Variants in SLC2A9 observed in about 807,000 individuals in gnomAD.
The protein encoded by SLC2A9 is solute carrier family 2 member 9, also known as solute carrier family 2, facilitated glucose transporter member 9.
A neutral mutation model predicts 50.6 loss-of-function variants in SLC2A9; 39 were observed. That is an observed-to-expected ratio of 0.77 (90% CI 0.60 to 1.01). The LOEUF (loss-of-function observed/expected upper bound fraction) is 1.01, where lower values mean the gene tolerates loss of function less well. Ranked by LOEUF, SLC2A9 falls within the 50% of genes least tolerant of loss-of-function variation. The pLI is 0.00. For synonymous variants in SLC2A9, 324 were observed against 276.9 expected, an observed-to-expected ratio of 1.17 and a Z score of -1.69; for missense variants, 686 against 677.6, an observed-to-expected ratio of 1.01 and a Z score of -0.14.
intron 5 of SLC2A9, among the ~76,000 whole-genome samples, chr4:9,948,177 G>A (rs1304027681): frequency 3.3e-5 from 5 of 151,612 alleles, no homozygotes; most frequent in East Asian, 1.9e-4. Context: ...CCAGCTTCTC[G>A]GGATACTTAT....
chr4:9,798,442 T>A (rs1007361302), downstream of SLC2A9, among the ~76,000 whole-genome samples: 13 of 152,198 alleles, frequency 8.5e-5, no homozygotes, highest in African/African-American at 3.1e-4. Flanking sequence ...ATGGGTTACT[T>A]ATAACCAAAT....
At chr4:9,932,597 A>C (rs1490922327) in intron 6 of SLC2A9, among the ~76,000 whole-genome samples, 2 of 152,354 alleles carry the variant, frequency 1.3e-5, no homozygotes, top group East Asian at 3.9e-4. Flanking sequence ...CTAGAGACCT[A>C]AAGGAAGTGA....
At chr4:9,794,185 G>A (rs1361973369), downstream of SLC2A9, among the ~76,000 whole-genome samples, 4 of 144,612 alleles carry the variant, frequency 2.8e-5, no homozygotes, top group Non-Finnish European at 6.0e-5. Context: ...TTTCACTCTT[G>A]TCTCCCAGGC....
chr4:9,872,176 G>T (rs1733549223), intron 10 of SLC2A9, among the ~76,000 whole-genome samples: 1 of 152,154 alleles, frequency 6.6e-6, no homozygotes, highest in South Asian at 2.1e-4. Flanking sequence ...TGAAACTGAG[G>T]CCAGAGAGGG....
At chr4:9,864,760 G>C (rs1237116256) in intron 10 of SLC2A9, among the ~76,000 whole-genome samples, 1 of 152,228 alleles carries the variant, frequency 6.6e-6, no homozygotes, top group Non-Finnish European at 1.5e-5. Context: ...TGTATACTTA[G>C]AGCATAAAGG....
chr4:9,911,283 C>G (rs1741735037), intron 7 of SLC2A9, among the ~76,000 whole-genome samples: 1 of 152,080 alleles, frequency 6.6e-6, no homozygotes, highest in African/African-American at 2.4e-5. Context: ...CCCTGTCTGC[C>G]CCGGGGCAGA....
At chr4:9,828,874 T>A (rs1333143571) in intron 11 of SLC2A9, among the ~76,000 whole-genome samples, 1 of 152,228 alleles carries the variant, frequency 6.6e-6, no homozygotes, top group Non-Finnish European at 1.5e-5. Context: ...ATCATTTTTC[T>A]TGTATTCCCA....
Position 10,008,896 on chromosome 4 carries a change from G to A in SLC2A9, c.249+10079C>T, listed in dbSNP as rs7681699. ...TAGCTTCATTATCAAATTTCTGTGC[G>A]GTGGTTTTTTTTTTTTTTTTTCCTA... On this transcript the variant is annotated intron_variant, in intron 2 of 11. Coordinates refer to ENST00000264784, the MANE Select transcript of SLC2A9 (RefSeq NM_020041.3). Among the ~76,000 whole-genome samples the A allele has an allele frequency of 4.7e-3, 688 of 147,498 alleles. 6 individuals carry two copies. Among genetic ancestry groups the A allele is most frequent in the East Asian group, 0.018 (89 of 5,048 alleles).
chr4:9,885,537 C>T (rs1020334964), intron 10 of SLC2A9, among the ~76,000 whole-genome samples: 3 of 152,240 alleles, frequency 2.0e-5, no homozygotes, highest in African/African-American at 4.8e-5. Context: ...GCTGCCAGGG[C>T]AGGCTCCCGT....
intron 3 of SLC2A9, among the ~76,000 whole-genome samples, chr4:9,803,774 T>C (rs1356682473): frequency 6.6e-6 from 1 of 152,260 alleles, no homozygotes; most frequent in Non-Finnish European, 1.5e-5. Flanking sequence ...GTGTCCTCAG[T>C]GCCTAGAACC....
chr4:9,820,688 T>C (rs1724279128), intron 3 of SLC2A9, among the ~76,000 whole-genome samples: 1 of 152,222 alleles, frequency 6.6e-6, no homozygotes, highest in African/African-American at 2.4e-5. Context: ...CAAGTATTTC[T>C]TGTTTTGGGA....
At chr4:9,995,048 A>G (rs567996371) in intron 3 of SLC2A9, among the ~76,000 whole-genome samples, 7 of 152,068 alleles carry the variant, frequency 4.6e-5, no homozygotes, top group Admixed American at 3.3e-4. Context: ...CCTAACTAAG[A>G]TCTGCTTGGC....
At chr4:9,803,202 G>A (rs1006751875) in intron 3 of SLC2A9, among the ~76,000 whole-genome samples, 5 of 152,202 alleles carry the variant, frequency 3.3e-5, no homozygotes, top group African/African-American at 1.2e-4. Context: ...GCTAATAACA[G>A]TTGGGTTGTT....
intron 3 of SLC2A9, among the ~76,000 whole-genome samples, chr4:9,802,809 C>T (rs1174909242): frequency 1.3e-5 from 2 of 152,186 alleles, no homozygotes; most frequent in Non-Finnish European, 2.9e-5. Flanking sequence ...GTGAATCCAC[C>T]TGCCTTGGCC....
intron 3 of SLC2A9, among the ~76,000 whole-genome samples, chr4:9,987,571 T>C (rs964166969): frequency 2.0e-5 from 3 of 152,236 alleles, no homozygotes; most frequent in Non-Finnish European, 4.4e-5. Context: ...TTTTGCCCAA[T>C]AGAGCCCCAG....
chr4:9,973,618 AC>A (rs1343566380), intron 5 of SLC2A9, among the ~76,000 whole-genome samples: 5 of 149,754 alleles, frequency 3.3e-5, no homozygotes, highest in Non-Finnish European at 7.4e-5. Flanking sequence ...AGGACAAAAA[AC>A]CAAACACCGC....
At chr4:9,830,133 A>T (rs937298168) in intron 11 of SLC2A9, among the ~76,000 whole-genome samples, 5 of 152,250 alleles carry the variant, frequency 3.3e-5, no homozygotes, top group Non-Finnish European at 7.3e-5. Flanking sequence ...TCAACGATAG[A>T]CTGGATAAAG....
intron 10 of SLC2A9, among the ~76,000 whole-genome samples, chr4:9,859,356 C>T (rs1731246220): frequency 6.6e-6 from 1 of 152,220 alleles, no homozygotes; most frequent in East Asian, 1.9e-4. Flanking sequence ...TGACCACCTA[C>T]AGTGTGGCCT....
At chr4:9,916,326 C>T (rs1361941515) in intron 7 of SLC2A9, among the ~76,000 whole-genome samples, 1 of 152,232 alleles carries the variant, frequency 6.6e-6, no homozygotes, top group East Asian at 1.9e-4. Flanking sequence ...GCACCCAGAA[C>T]CAATGTCACC....
Sources: gnomAD v4.1 joint callset for allele counts (sites outside exome capture counted in the v4.1 genomes callset) on GRCh38, gnomAD v4.1.1 for gene constraint, MANE v1.5 for transcripts, NCBI Gene and HGNC (gene_info 2026-07-23, HGNC 2026-07-21) for gene names.